C9: variants seen among roughly 807,000 people sequenced by gnomAD.
C9 encodes the protein complement C9, also known as complement component C9.
A neutral mutation model predicts 65.4 loss-of-function variants in C9; 63 were observed. The observed-to-expected ratio is 0.96, with a 90% CI of 0.79 to 1.19. The LOEUF is 1.19. Ranked by LOEUF, C9 falls within the 50% of genes most tolerant of loss-of-function variation. The pLI, the probability that C9 is intolerant of heterozygous loss-of-function variation, is 0.00. For missense variants in C9, 744 were observed against 670.1 expected (o/e 1.11, Z -1.22); for synonymous variants, 229 against 227.9 (o/e 1.00, Z -0.04).
intron 3 of C9, 113 bp downstream of exon 3, chr5:39,341,442 TG>T: frequency 1.4e-6 from 2 of 1,446,078 alleles, no homozygotes; most frequent in Non-Finnish European, 1.9e-6. Flanking sequence ...TGGCCTCTTT[TG>T]GGGCCTTTCA....
Position 39,308,273 on chromosome 5 carries a change from T to A in C9, c.1197A>T (p.Glu399Asp). The change falls in exon 8 of 11, where the codon GAA (glutamate) becomes GAT (aspartate). Residue 399 changes from glutamate to aspartate, a missense_variant. Glu to Asp is a conservative substitution (Grantham distance 45). Transcript: ENST00000263408. The part of the protein sequence containing the change: ...LAFSEISVGA[E>D]FNKDDCVKRG... ...TCTTTACACAATCATCTTTATTAAA[T>A]TCAGCTCCAACAGAGATTTCAGAGA... 6.2e-7 allele frequency: 1 copy of A among 1,612,846 alleles called. No individual in the cohort carries two copies. Among genetic ancestry groups the A allele is most frequent in the South Asian group, 1.1e-5 (1 of 91,068 alleles).
chr5:39,316,850 T>C (rs145753984), intron 5 of C9, among the ~76,000 whole-genome samples: 4,532 of 152,318 alleles, frequency 0.03, 209 homozygotes, highest in African/African-American at 0.1. Flanking sequence ...TCTATTCTTT[T>C]GGATATATAC....
intron 5 of C9, among the ~76,000 whole-genome samples, chr5:39,325,719 C>T (rs951001030): frequency 9.1e-5 from 13 of 143,310 alleles, no homozygotes; most frequent in African/African-American, 3.4e-4. Flanking sequence ...TTGCAGTGAG[C>T]TGAGATTGCG....
chr5:39,309,925 A>C (rs1315890170), intron 7 of C9, among the ~76,000 whole-genome samples: 1 of 152,030 alleles, frequency 6.6e-6, no homozygotes, highest in Non-Finnish European at 1.5e-5. Flanking sequence ...TTCTCTTCTC[A>C]TTTTCAAGTT....
chr5:39,289,559 T>C (rs1428814619), intron 9 of C9, among the ~76,000 whole-genome samples: 1 of 151,790 alleles, frequency 6.6e-6, no homozygotes, highest in African/African-American at 2.4e-5. Context: ...TAGAAGTTAG[T>C]ATATACCTCA....
At chr5:39,349,890 G>A (rs6880973) in intron 1 of C9, among the ~76,000 whole-genome samples, 6,588 of 151,864 alleles carry the variant, frequency 0.043, 467 homozygotes, top group African/African-American at 0.15. Context: ...ATTTTCCCTC[G>A]AGATCCTTTC....
chr5:39,339,948 C>T (rs955663931), intron 4 of C9, among the ~76,000 whole-genome samples: 1 of 152,030 alleles, frequency 6.6e-6, no homozygotes, highest in Non-Finnish European at 1.5e-5. Flanking sequence ...CGTGACCCGC[C>T]GCAGATATCG....
intron 1 of C9, among the ~76,000 whole-genome samples, chr5:39,354,984 A>G (rs1754390304): frequency 6.6e-6 from 1 of 152,136 alleles, no homozygotes; most frequent in South Asian, 2.1e-4. Context: ...GAATCTTTTT[A>G]ATGTCTGATT....
chr5:39,291,565 T>C (rs917379092), intron 9 of C9, among the ~76,000 whole-genome samples: 1 of 151,670 alleles, frequency 6.6e-6, no homozygotes, highest in Non-Finnish European at 1.5e-5. Context: ...CAACAAGATA[T>C]CTTATGAATA....
intron 1 of C9, among the ~76,000 whole-genome samples, chr5:39,354,071 G>A (rs1454280584): frequency 6.6e-6 from 1 of 152,218 alleles, no homozygotes; most frequent in Non-Finnish European, 1.5e-5. Flanking sequence ...CAGAATATCT[G>A]GAGGTGTGAT....
intron 9 of C9, among the ~76,000 whole-genome samples, chr5:39,296,040 GA>G (rs1753179747): frequency 6.6e-6 from 1 of 151,432 alleles, no homozygotes; most frequent in Non-Finnish European, 1.5e-5. Context: ...ACCCAATATA[GA>G]ATACTTTATT....
intron 9 of C9, among the ~76,000 whole-genome samples, chr5:39,295,537 T>A (rs537086463): frequency 6.6e-6 from 1 of 151,564 alleles, no homozygotes; most frequent in South Asian, 2.1e-4. Context: ...TTGAAAGAAA[T>A]GGAAGAGGAT....
chr5:39,297,577 C>A (rs1753206750), intron 9 of C9, among the ~76,000 whole-genome samples: 1 of 151,464 alleles, frequency 6.6e-6, no homozygotes, highest in South Asian at 2.1e-4. Context: ...TTAAATGGAA[C>A]CTCCTTGGCT....
chr5:39,324,053 A>C (rs1464150161), intron 5 of C9, among the ~76,000 whole-genome samples: 1 of 152,206 alleles, frequency 6.6e-6, no homozygotes, highest in African/African-American at 2.4e-5. Context: ...ACTTTTAAAA[A>C]TACCATTTAC....
At chr5:39,312,730 C>T (rs530152176) in intron 6 of C9, among the ~76,000 whole-genome samples, 2 of 152,234 alleles carry the variant, frequency 1.3e-5, no homozygotes, top group Admixed American at 1.3e-4. Context: ...TTGAGGGTCT[C>T]CTAACAGCTG....
chr5:39,307,209 G>A (rs529952162), intron 8 of C9, among the ~76,000 whole-genome samples: 35 of 152,240 alleles, frequency 2.3e-4, no homozygotes, highest in African/African-American at 7.9e-4. Context: ...GTTCAAAAAA[G>A]AATAAAGTGA....
intron 1 of C9, among the ~76,000 whole-genome samples, chr5:39,360,389 A>C (rs911119585): frequency 6.6e-6 from 1 of 152,182 alleles, no homozygotes; most frequent in African/African-American, 2.4e-5. Flanking sequence ...ACTTCTCTCC[A>C]GAGCCCAGGT....
At chr5:39,339,940 T>A (rs1300323089) in intron 4 of C9, among the ~76,000 whole-genome samples, 2 of 152,078 alleles carry the variant, frequency 1.3e-5, no homozygotes, top group East Asian at 3.9e-4. Context: ...ATTACAGGCG[T>A]GACCCGCCGC....
rs374259433 is a variant in C9 at position 39,306,688 on chromosome 5, C to T, written c.1345G>A (p.Val449Met). 423 of 1,613,426 alleles carry T rather than the reference C, an allele frequency of 2.6e-4. 2 individuals carry two copies. In the Middle Eastern group the frequency reaches 3.0e-3, roughly 11 times the overall value. Residue 449 changes from valine to methionine, a missense_variant, in exon 9 of 11, where the codon GTG becomes ATG. Coordinates refer to ENST00000263408, the MANE Select transcript of C9 (RefSeq NM_001737.5). ...ELKEKLLRGT[V>M]IDVTDFVNWA... is the part of the protein sequence containing the mutation. ...TTGACAAAGTCAGTCACATCAATCA[C>T]GGTTCCTCGGAGAAGCTTTTCTTTC... is the stretch of plus-strand genomic sequence containing the variant.
Sources: gnomAD v4.1 joint callset for allele counts (sites outside exome capture counted in the v4.1 genomes callset) on GRCh38, gnomAD v4.1.1 for gene constraint, MANE v1.5 for transcripts, NCBI Gene and HGNC (gene_info 2026-07-23, HGNC 2026-07-21) for gene names.